The following ENTHD1 variants were observed in gnomAD, a reference collection of about 807,000 sequenced individuals.
ENTHD1 encodes the protein ENTH domain-containing protein 1.
Under a neutral mutation model 39.1 loss-of-function variants are expected in ENTHD1, and 23 were observed. The ratio of observed to expected loss-of-function variants is 0.59; its 90% CI spans 0.42 to 0.83. The LOEUF is 0.83. ENTHD1 is among the 40% of genes least tolerant of loss of function. The pLI is 0.00. For synonymous variants in ENTHD1, 230 were observed against 258.2 expected (o/e 0.89, Z 1.05); for missense variants, 624 against 705.4 (o/e 0.88, Z 1.31).
chr22:39,846,657 A>G (rs2065991565), intron 3 of ENTHD1, among the ~76,000 whole-genome samples: 2 of 152,198 alleles, frequency 1.3e-5, no homozygotes, highest in African/African-American at 4.8e-5. Context: ...ACAAAGGGCT[A>G]ATATCCAGAA....
chr22:39,883,855 C>CAAAA (rs137949), intron 2 of ENTHD1, among the ~76,000 whole-genome samples: 169 of 67,994 alleles, frequency 2.5e-3, no homozygotes, highest in Non-Finnish European at 3.0e-3. Flanking sequence ...CTCTGTCCCA[C>CAAAA]AAAAAAAAAA....
intron 6 of ENTHD1, among the ~76,000 whole-genome samples, chr22:39,745,593 C>T (rs938907095): frequency 7.9e-5 from 12 of 152,178 alleles, no homozygotes; most frequent in African/African-American, 2.9e-4. Flanking sequence ...AAAAGGAAAG[C>T]AGGAACTTCA....
At chr22:39,843,476 G>A (rs2065962519) in intron 3 of ENTHD1, among the ~76,000 whole-genome samples, 1 of 138,228 alleles carries the variant, frequency 7.2e-6, no homozygotes, top group Non-Finnish European at 1.6e-5. Context: ...GGGGGGAGGG[G>A]GTAGGGATAG....
At position 39,852,250 on chromosome 22, in the gene ENTHD1, G is replaced by A. The variant is rs187002420; in HGVS notation, c.592+9515C>T. Among the ~76,000 whole-genome samples, 831 of 152,182 alleles carry A rather than the reference G, an allele frequency of 5.5e-3. 8 individuals carry two copies. Among genetic ancestry groups the A allele is most frequent in the Middle Eastern group, 0.02 (6 of 294 alleles). ...AGTCCCAGCTACTTGGGAGGCTGAG[G>A]TAGGAGAATCACCTGAGCCCAGGGA... On this transcript the variant is annotated intron_variant, in intron 3 of 6. Transcript: ENST00000325157.
intron 2 of ENTHD1, among the ~76,000 whole-genome samples, chr22:39,875,004 G>A (rs1448180735): frequency 6.6e-6 from 1 of 152,108 alleles, no homozygotes; most frequent in African/African-American, 2.4e-5. Context: ...AAAGAGAACC[G>A]AATGCATATC....
At chr22:39,747,323 GATGGAGTAGGTTTTATA>G (rs1372962390) in intron 6 of ENTHD1, among the ~76,000 whole-genome samples, 1 of 152,156 alleles carries the variant, frequency 6.6e-6, no homozygotes, top group African/African-American at 2.4e-5. Flanking sequence ...TTTAGCACCA[GATGGAGTAGGTTTTATA>G]ACCCCGTTTC....
At chr22:39,879,462 C>CAA (rs34372930) in intron 2 of ENTHD1, among the ~76,000 whole-genome samples, 234 of 16,412 alleles carry the variant, frequency 0.014, 36 homozygotes, top group Middle Eastern at 0.033. Flanking sequence ...GACTCTGTCT[C>CAA]AAAAAAAAAA....
At position 39,887,495 on chromosome 22, in the gene ENTHD1, C is replaced by T. The variant is rs1325912458; in HGVS notation, c.254G>A (p.Gly85Glu). 1 of 1,614,180 alleles carries T rather than the reference C, an allele frequency of 6.2e-7. No homozygotes were observed. Among genetic ancestry groups the T allele is most frequent in the Admixed American group, 1.7e-5 (1 of 60,022 alleles). The change falls in exon 2 of 7, where the codon GGA (glycine) becomes GAA (glutamate). Residue 85 changes from glycine (G) to glutamate (E), a missense_variant. Gly to Glu is a moderately conservative substitution (Grantham distance 98, BLOSUM62 -2). Coordinates refer to ENST00000325157, the MANE Select transcript of ENTHD1 (RefSeq NM_152512.4). ...GCAATGCTGAATAACTTTCTTTGAT[C>T]CATTCTTGATGAGATAATCCATTAG... is the stretch of plus-strand genomic sequence containing the variant. Reference protein sequence around the residue: ...LTLMDYLIKNGSKKVIQHCRE... With the variant: ...LTLMDYLIKNESKKVIQHCRE...
At chr22:39,771,704 GA>G (rs1343490786) in intron 5 of ENTHD1, among the ~76,000 whole-genome samples, 4 of 151,070 alleles carry the variant, frequency 2.6e-5, no homozygotes, top group Non-Finnish European at 4.4e-5. Context: ...TTTTAATGCT[GA>G]AAAAAAACTG....
At chr22:39,794,235 G>T (rs759947402) in intron 5 of ENTHD1, among the ~76,000 whole-genome samples, 1 of 152,044 alleles carries the variant, frequency 6.6e-6, no homozygotes, top group African/African-American at 2.4e-5. Context: ...AAACGGGATT[G>T]TCTTCATGAT....
chr22:39,836,141 G>C (rs2065906639), intron 3 of ENTHD1, among the ~76,000 whole-genome samples, 183 bp from the exon 4 acceptor site: 1 of 152,054 alleles, frequency 6.6e-6, no homozygotes, highest in East Asian at 1.9e-4. Context: ...TAATAAGTGA[G>C]AAGTTCAGAC....
intron 3 of ENTHD1, among the ~76,000 whole-genome samples, chr22:39,840,734 G>A (rs565324664): frequency 4.0e-4 from 61 of 151,780 alleles, no homozygotes; most frequent in African/African-American, 1.5e-3. Context: ...CTCCAATTTC[G>A]TTGTTTTGGC....
chr22:39,759,266 T>C (rs917805417), intron 6 of ENTHD1, among the ~76,000 whole-genome samples: 1 of 152,172 alleles, frequency 6.6e-6, no homozygotes, highest in African/African-American at 2.4e-5. Context: ...AATATATGTA[T>C]ATGTGTGTTT....
chr22:39,788,316 G>A (rs752768441), intron 5 of ENTHD1, among the ~76,000 whole-genome samples: 2 of 152,154 alleles, frequency 1.3e-5, no homozygotes, highest in South Asian at 2.1e-4. Context: ...TGGAAGAAGT[G>A]GATTCCAACC....
intron 6 of ENTHD1, among the ~76,000 whole-genome samples, chr22:39,745,443 A>G (rs1448690379): frequency 2.0e-5 from 3 of 152,234 alleles, no homozygotes; most frequent in African/African-American, 7.2e-5. Context: ...CTCCTGTAAA[A>G]ACTATGGCCA....
chr22:39,798,575 C>G (rs74816551), intron 5 of ENTHD1, among the ~76,000 whole-genome samples: 15,618 of 152,126 alleles, frequency 0.1, 932 homozygotes, highest in Middle Eastern at 0.14. Flanking sequence ...CTGTGGCAAG[C>G]TTTTTCTCGG....
At chr22:39,820,895 T>A in intron 5 of ENTHD1, 98 bp downstream of exon 5, 1 of 1,339,756 alleles carries the variant, frequency 7.5e-7, no homozygotes, top group Non-Finnish European at 1.0e-6. Flanking sequence ...CCATGCTAGT[T>A]CTGTCCCTCA....
At chr22:39,807,619 C>T (rs888247462) in intron 5 of ENTHD1, among the ~76,000 whole-genome samples, 3 of 151,400 alleles carry the variant, frequency 2.0e-5, no homozygotes, top group African/African-American at 7.4e-5. Flanking sequence ...CCCAGCCTCT[C>T]ACATTGTTCA....
intron 3 of ENTHD1, among the ~76,000 whole-genome samples, chr22:39,857,735 G>T (rs989666994): frequency 6.6e-6 from 1 of 152,022 alleles, no homozygotes; most frequent in African/African-American, 2.4e-5. Context: ...AAACATTTTT[G>T]TTTCCCAGTG....
Sources: allele counts gnomAD v4.1 joint callset (sites outside exome capture counted in the v4.1 genomes callset), GRCh38; gene constraint gnomAD v4.1.1; transcripts MANE v1.5; gene names NCBI Gene and HGNC (gene_info 2026-07-23, HGNC 2026-07-21).